The following DYNC2H1 variants were observed in gnomAD, a reference collection of about 807,000 sequenced individuals.
DYNC2H1 encodes dynein cytoplasmic 2 heavy chain 1.
DYNC2H1 carries 410 observed loss-of-function variants against 570.0 expected under a neutral mutation model. The observed-to-expected ratio is 0.72, with a 90% confidence interval of 0.66 to 0.78. The LOEUF is 0.78. Ranked by LOEUF, DYNC2H1 falls within the 30% of genes least tolerant of loss-of-function variation. DYNC2H1 has a pLI of 0.00. For missense variants in DYNC2H1, 4,865 were observed against 5,046.4 expected (o/e 0.96, Z 1.09); for synonymous variants, 1,688 against 1,677.6 (o/e 1.01, Z -0.15).
rs1405489457 is a variant in DYNC2H1, at chr11:103,268,267, TC to T, written c.10695+8292del. On this transcript the variant is annotated intron_variant, in intron 70 of 88. Transcript: ENST00000375735. The surrounding 1 kb of genome is among the most constrained non-coding windows in gnomAD (Gnocchi z 4.6). ...CCTTATCAACCCAGGATGTTATCAG[TC>T]CTTTAAATTTTTACCAAGCTCTGGT... 6.6e-6 allele frequency among the ~76,000 whole-genome samples: 1 copy of T among 152,076 alleles called. No homozygotes were observed. The highest frequency in any genetic ancestry group is 2.4e-5 in the African/African-American group (1 of 41,456).
intron 87 of DYNC2H1, among the ~76,000 whole-genome samples, chr11:103,467,246 T>G (rs1227090081): frequency 3.9e-5 from 6 of 152,202 alleles, no homozygotes; most frequent in Admixed American, 2.0e-4. Context: ...GTAGAAAGAA[T>G]ATTTAAGTAT....
At chr11:103,457,655 C>T (rs1944843154) in intron 87 of DYNC2H1, among the ~76,000 whole-genome samples, 1 of 151,662 alleles carries the variant, frequency 6.6e-6, no homozygotes. Context: ...TACAGATACG[C>T]AAAAAATCAA....
intron 74 of DYNC2H1, 112 bp downstream of exon 74, chr11:103,286,498 G>T: frequency 7.9e-7 from 1 of 1,263,954 alleles, no homozygotes. Context: ...CTTTAATGGC[G>T]TATTTGGGGA....
chr11:103,190,512 T>A (rs535350290), intron 45 of DYNC2H1, among the ~76,000 whole-genome samples: 1 of 152,272 alleles, frequency 6.6e-6, no homozygotes, highest in Admixed American at 6.5e-5. Context: ...TGAAGTTTGA[T>A]CTGAGTTTTG....
chr11:103,353,323 G>A (rs1940145003), intron 82 of DYNC2H1, among the ~76,000 whole-genome samples: 1 of 152,142 alleles, frequency 6.6e-6, no homozygotes, highest in Non-Finnish European at 1.5e-5. Context: ...ATGATTGTCT[G>A]TTCTCCAGAT....
At chr11:103,304,490 C>A in intron 76 of DYNC2H1, 105 bp from the exon 77 acceptor site, 1 of 1,192,094 alleles carries the variant, frequency 8.4e-7, no homozygotes, top group East Asian at 2.8e-5. Context: ...TTATTAAAGC[C>A]AGTTAGGAAG....
At chr11:103,213,640 T>C (rs2135127831) in intron 54 of DYNC2H1, among the ~76,000 whole-genome samples, 1 of 149,642 alleles carries the variant, frequency 6.7e-6, no homozygotes, top group South Asian at 2.1e-4. Context: ...AAAAAAAAAA[T>C]CTATTCAGAT....
intron 83 of DYNC2H1, among the ~76,000 whole-genome samples, chr11:103,360,772 G>A (rs7932151): frequency 0.035 from 5,378 of 152,156 alleles, 312 homozygotes; most frequent in African/African-American, 0.12. Context: ...CAGTTAGTTC[G>A]TAAGAGAGAT....
intron 83 of DYNC2H1, among the ~76,000 whole-genome samples, chr11:103,392,801 G>A (rs1457559502): frequency 1.3e-5 from 2 of 151,414 alleles, no homozygotes; most frequent in Non-Finnish European, 2.9e-5. Flanking sequence ...TTTCCTTTAA[G>A]CAAGTACAAA....
In DYNC2H1 at chr11:103,451,324, C is replaced by CTTTTTTTTTTTTTTTT. The variant is rs34032894; in HGVS notation, c.12457-3850_12457-3835dup. On this transcript the variant is annotated intron_variant, in intron 85 of 88. Coordinates refer to ENST00000375735, the MANE Select transcript of DYNC2H1 (RefSeq NM_001377.3). ...AGAAATGAATCACTGAGTAAAAGGG[C>CTTTTTTTTTTTTTTTT]TTTTTTTTTTTTTTTTTTTTTTTTT... is the stretch of plus-strand genomic sequence containing the variant. Among the ~76,000 whole-genome samples, 24 of 71,036 alleles carry CTTTTTTTTTTTTTTTT rather than the reference C, an allele frequency of 3.4e-4. 3 individuals carry two copies. Among genetic ancestry groups the CTTTTTTTTTTTTTTTT allele is most frequent in the African/African-American group, 8.1e-4 (12 of 14,836 alleles). 46.6% of individuals were successfully genotyped at this position (71,036 alleles called of 152,430 possible).
chr11:103,288,685 A>AAAAAAAAAAAAAAG, intron 75 of DYNC2H1, among the ~76,000 whole-genome samples: 1 of 55,246 alleles, frequency 1.8e-5, no homozygotes, highest in Non-Finnish European at 4.2e-5. Context: ...CGTCTCTACT[A>AAAAAAAAAAAAAAG]AAAAAAAAAA....
At chr11:103,477,656 C>T (rs889829689) in intron 88 of DYNC2H1, among the ~76,000 whole-genome samples, 3 of 151,484 alleles carry the variant, frequency 2.0e-5, no homozygotes, top group African/African-American at 7.3e-5. Context: ...ACAGTGAAAC[C>T]CTGTCTCTAC....
intron 84 of DYNC2H1, among the ~76,000 whole-genome samples, chr11:103,426,751 C>G (rs1943687494): frequency 6.6e-6 from 1 of 152,154 alleles, no homozygotes; most frequent in Non-Finnish European, 1.5e-5. Flanking sequence ...GGCTTGAACC[C>G]AGGTTTGTTT....
At position 103,323,368 on chromosome 11, in the gene DYNC2H1, T is replaced by C. The variant is rs1337226345; in HGVS notation, c.11935-518T>C. 3.3e-5 allele frequency among the ~76,000 whole-genome samples: 5 copies of C among 152,134 alleles called. No homozygotes were observed. In the East Asian group the frequency reaches 9.6e-4, roughly 29 times the overall value. On this transcript the variant is annotated intron_variant, in intron 81 of 88. Transcript: ENST00000375735. ...CCTCACCAGCAAACTGAAGACTAAC[T>C]GGAATTGCTCTATTATAAAGCAATT...
intron 17 of DYNC2H1, among the ~76,000 whole-genome samples, chr11:103,139,411 G>T (rs1859767917): frequency 6.6e-6 from 1 of 151,836 alleles, no homozygotes; most frequent in Non-Finnish European, 1.5e-5. Flanking sequence ...CTGGTATGTT[G>T]TGTCTTTGTT....
chr11:103,230,433 C>T (rs950789487), intron 59 of DYNC2H1, among the ~76,000 whole-genome samples: 1 of 152,038 alleles, frequency 6.6e-6, no homozygotes, highest in African/African-American at 2.4e-5. Context: ...GTAAAAGAAT[C>T]TTTTTATCTT....
chr11:103,436,803 T>C (rs1944081186), intron 85 of DYNC2H1, among the ~76,000 whole-genome samples: 1 of 152,178 alleles, frequency 6.6e-6, no homozygotes, highest in South Asian at 2.1e-4. Context: ...AGTCTCTTCC[T>C]GTTCAGTTCT....
chr11:103,219,826 T>C (rs970711655), intron 55 of DYNC2H1, 89 bp from the exon 56 acceptor site: 10 of 802,158 alleles, frequency 1.2e-5, no homozygotes, highest in African/African-American at 1.8e-5. Flanking sequence ...TAATAGAAAA[T>C]GTTATTTTGA....
chr11:103,304,634 A>G lies in DYNC2H1; in HGVS notation c.11296A>G (p.Met3766Val), dbSNP rs748757271. 5.0e-6 allele frequency: 8 copies of G among 1,613,416 alleles called. No individual in the cohort carries two copies. In the South Asian group the frequency reaches 5.5e-5, roughly 11 times the overall value. Reference protein sequence around the residue: ...GQGQADLAIQMLKECARNGDW... With the variant: ...GQGQADLAIQVLKECARNGDW... ...AGGTCAAGCTGATTTAGCAATTCAA[A>G]TGCTAAAAGAATGTGCCCGCAATGG... The change falls in exon 77 of 89, where the codon ATG (methionine) becomes GTG (valine). Residue 3766 changes from methionine to valine, a missense_variant. Transcript: ENST00000375735.
Sources: gnomAD v4.1 joint callset for allele counts (sites outside exome capture counted in the v4.1 genomes callset) on GRCh38, gnomAD v4.1.1 for gene constraint, Gnocchi (gnomAD v3.1) non-coding constraint, MANE v1.5 for transcripts, NCBI Gene and HGNC (gene_info 2026-07-23, HGNC 2026-07-21) for gene names.